Variants in LPP observed in about 807,000 individuals in gnomAD.
LPP encodes LIM domain containing preferred translocation partner in lipoma.
A neutral mutation model predicts 60.4 loss-of-function variants in LPP; 38 were observed. The observed-to-expected ratio is 0.63, with a 90% CI of 0.49 to 0.83. LPP has a LOEUF of 0.83. LPP is among the 40% of genes least tolerant of loss of function. The probability of loss-of-function intolerance (pLI) is 0.00; values close to 1 mark genes in which losing one functional copy is unlikely to be tolerated. For missense variants in LPP, 902 were observed against 783.6 expected (o/e 1.15, Z -1.80); for synonymous variants, 328 against 290.8 (o/e 1.13, Z -1.30).
intron 1 of LPP, among the ~76,000 whole-genome samples, chr3:188,197,925 G>A (rs1014842588): frequency 2.6e-5 from 4 of 152,340 alleles, no homozygotes; most frequent in Admixed American, 2.6e-4. Flanking sequence ...TTGGATTTGG[G>A]TGGAAGGCCA....
chr3:188,386,157 C>G (rs1778204183), intron 3 of LPP, among the ~76,000 whole-genome samples: 2 of 151,948 alleles, frequency 1.3e-5, no homozygotes, highest in Non-Finnish European at 2.9e-5. Context: ...AGAAAGTTCT[C>G]TGGCATATCA....
chr3:188,586,177 G>A (rs916779081), intron 6 of LPP, among the ~76,000 whole-genome samples: 1 of 152,106 alleles, frequency 6.6e-6, no homozygotes, highest in Non-Finnish European at 1.5e-5. Flanking sequence ...TGTTGAGATT[G>A]CCTGTTTTAC....
At chr3:188,192,707 C>T (rs190800047) in intron 1 of LPP, among the ~76,000 whole-genome samples, 19 of 152,236 alleles carry the variant, frequency 1.2e-4, no homozygotes, top group Admixed American at 5.2e-4. Context: ...CTGAACGTTC[C>T]GCTTTTCCAC....
chr3:188,615,813 G>T (rs1844735694), intron 7 of LPP, among the ~76,000 whole-genome samples: 2 of 152,070 alleles, frequency 1.3e-5, no homozygotes, highest in Admixed American at 1.3e-4. Context: ...TTGTTGTTTT[G>T]ATTTGCATTC....
chr3:188,273,455 A>G (rs1738513813), intron 2 of LPP, among the ~76,000 whole-genome samples: 1 of 152,218 alleles, frequency 6.6e-6, no homozygotes, highest in South Asian at 2.1e-4. Context: ...CCCTAAGCCA[A>G]GGGCTATAAA....
At chr3:188,705,189 A>T (rs1466333003) in intron 7 of LPP, among the ~76,000 whole-genome samples, 1 of 152,232 alleles carries the variant, frequency 6.6e-6, no homozygotes, top group Non-Finnish European at 1.5e-5. Context: ...CTAAGATTCC[A>T]CCTGCTAGAA....
chr3:188,728,186 G>A (rs763578391), intron 8 of LPP, among the ~76,000 whole-genome samples: 8 of 151,938 alleles, frequency 5.3e-5, no homozygotes, highest in Non-Finnish European at 8.8e-5. Context: ...ATTATTACTC[G>A]GAGAAAATTT....
At chr3:188,620,521 C>A (rs564290325) in intron 7 of LPP, among the ~76,000 whole-genome samples, 2 of 152,114 alleles carry the variant, frequency 1.3e-5, no homozygotes, top group Non-Finnish European at 2.9e-5. Context: ...AATAATATTC[C>A]ATTGTATGAA....
intron 7 of LPP, among the ~76,000 whole-genome samples, chr3:188,698,335 T>G (rs1402192696): frequency 1.3e-5 from 2 of 152,070 alleles, no homozygotes; most frequent in African/African-American, 2.4e-5. Flanking sequence ...GGAAATAATG[T>G]CTTGGAATTC....
chr3:188,721,962 A>G (rs1716589812), intron 8 of LPP, among the ~76,000 whole-genome samples: 1 of 152,166 alleles, frequency 6.6e-6, no homozygotes, highest in Non-Finnish European at 1.5e-5. Context: ...AACACTTTTC[A>G]TATATTGTCC....
At position 188,313,400 on chromosome 3, in the gene LPP, G is replaced by T. The variant is rs188541734; in HGVS notation, c.-66-28263G>T. On this transcript the variant is annotated intron_variant, in intron 2 of 11. Coordinates refer to ENST00000617246, the MANE Select transcript of LPP (RefSeq NM_001375462.1). The stretch of plus-strand genomic sequence containing the variant: ...CACGCCTGTAATCCCAGCACTTCGG[G>T]TGGCTGAGGTGGGCAGATCACTTGA... Among the ~76,000 whole-genome samples the T allele has an allele frequency of 3.2e-3, 483 of 152,222 alleles. 1 individual carries two copies. Among genetic ancestry groups the T allele is most frequent in the African/African-American group, 0.011 (456 of 41,546 alleles).
intron 7 of LPP, among the ~76,000 whole-genome samples, chr3:188,695,172 A>G (rs1363604839): frequency 6.6e-6 from 1 of 152,228 alleles, no homozygotes; most frequent in African/African-American, 2.4e-5. Flanking sequence ...AAGCACTCAG[A>G]ATACCTTATT....
chr3:188,442,681 G>T (rs1255136051), intron 4 of LPP, among the ~76,000 whole-genome samples: 1 of 152,078 alleles, frequency 6.6e-6, no homozygotes, highest in East Asian at 1.9e-4. Context: ...TTTCTGTTTT[G>T]ATTATTATGT....
At chr3:188,505,232 C>A (rs1813115097) in intron 5 of LPP, among the ~76,000 whole-genome samples, 1 of 152,182 alleles carries the variant, frequency 6.6e-6, no homozygotes, top group African/African-American at 2.4e-5. Flanking sequence ...GTGCCTCCTG[C>A]TTTGCCATAT....
At chr3:188,381,607 G>T (rs529512345) in intron 3 of LPP, among the ~76,000 whole-genome samples, 1 of 152,196 alleles carries the variant, frequency 6.6e-6, no homozygotes, top group African/African-American at 2.4e-5. Context: ...CGATTCGGGG[G>T]ACTGGATTGT....
At chr3:188,585,690 C>T (rs1355885305) in intron 6 of LPP, among the ~76,000 whole-genome samples, 1 of 152,164 alleles carries the variant, frequency 6.6e-6, no homozygotes, top group Non-Finnish European at 1.5e-5. Context: ...AATTAAAAAC[C>T]TGCTATTACT....
At chr3:188,164,519 G>A (rs1285676391) in intron 1 of LPP, among the ~76,000 whole-genome samples, 1 of 152,190 alleles carries the variant, frequency 6.6e-6, no homozygotes. Context: ...TGGAGCTTCT[G>A]TCTTGTTTGG....
chr3:188,407,807 T>TTC (rs57448533), intron 4 of LPP, among the ~76,000 whole-genome samples: 2 of 121,236 alleles, frequency 1.6e-5, no homozygotes, highest in East Asian at 5.4e-4. Context: ...TTTTTTTTTT[T>TTC]GAGATGGAGT....
In LPP at chr3:188,609,978, A is replaced by G. The variant is rs764019948; in HGVS notation, c.1113+134A>G. On this transcript the variant is annotated intron_variant, in intron 7 of 11. Coordinates refer to ENST00000617246, the MANE Select transcript of LPP (RefSeq NM_001375462.1). This position sits in a 1 kb window ranked among gnomAD's most constrained non-coding sequence, Gnocchi z 6.9. ...CTGACAAATACAATCCCAGGGAAGGATGAGTGAAGCCAGAGAGGAGAGAGA... is the reference window on the plus strand; with the variant it reads ...CTGACAAATACAATCCCAGGGAAGGGTGAGTGAAGCCAGAGAGGAGAGAGA... The G allele has an allele frequency of 1.4e-5, 12 of 853,388 alleles. No homozygotes were observed. The highest frequency in any genetic ancestry group is 2.1e-5 in the Non-Finnish European group (12 of 562,412). The allele number at this position is 853,388 out of a possible 1,614,324, so 52.9% of individuals were successfully genotyped here.
Sources: gnomAD v4.1 joint callset for allele counts (sites outside exome capture counted in the v4.1 genomes callset) on GRCh38, gnomAD v4.1.1 for gene constraint, Gnocchi (gnomAD v3.1) non-coding constraint, MANE v1.5 for transcripts, NCBI Gene and HGNC (gene_info 2026-07-23, HGNC 2026-07-21) for gene names.